The following SHROOM2 variants were observed in gnomAD, a reference collection of about 807,000 sequenced individuals.
SHROOM2 encodes the protein protein Shroom2.
A neutral mutation model predicts 75.9 loss-of-function variants in SHROOM2; 33 were observed. The ratio of observed to expected loss-of-function variants is 0.43; its 90% CI spans 0.33 to 0.58. The LOEUF (loss-of-function observed/expected upper bound fraction) is 0.58, where lower values mean the gene tolerates loss of function less well. Among genes scored for constraint, SHROOM2 ranks in the 20% least tolerant of loss-of-function variants. The pLI, the probability that SHROOM2 is intolerant of heterozygous loss-of-function variation, is 0.04. For missense variants in SHROOM2, 1,434 were observed against 1,461.2 expected (o/e 0.98, Z 0.30); for synonymous variants, 655 against 663.6 (o/e 0.99, Z 0.20).
At chrX:9,905,014 A>G (rs1348778968) in intron 5 of SHROOM2, among the ~76,000 whole-genome samples, 1 of 112,204 alleles carries the variant, frequency 8.9e-6, no homozygotes, top group African/African-American at 3.2e-5. Context: ...CACCTAGCTA[A>G]TTAAAAAAAC....
rs774991614 is a variant in SHROOM2, at chrX:9,848,510, CA to C, written c.166-25121del. Among the ~76,000 whole-genome samples the C allele has an allele frequency of 3.6e-3, 79 of 22,023 alleles. 1 individual carries two copies. The highest frequency in any genetic ancestry group is 9.2e-3 in the African/African-American group (60 of 6,540). 19.1% of individuals were successfully genotyped at this position (22,023 alleles called of 115,157 possible). A position where few individuals can be genotyped will look rare whatever the true frequency, so the allele number is the denominator to read the frequency against. Reference sequence around the variant, plus strand: ...TGGGCGACAGAGCGAGACTCCGTCTCAAAAAAAAAAAAAAAAAAAAAGAAAA... The same window carrying C: ...TGGGCGACAGAGCGAGACTCCGTCTCAAAAAAAAAAAAAAAAAAAAGAAAA... On this transcript the variant is annotated intron_variant, in intron 1 of 9. Transcript: ENST00000380913.
intron 1 of SHROOM2, among the ~76,000 whole-genome samples, chrX:9,814,036 C>G (rs755153687): frequency 8.9e-6 from 1 of 111,961 alleles, no homozygotes; most frequent in South Asian, 3.8e-4. Context: ...GTGCTGCCCT[C>G]ACGAATCTAT....
At chrX:9,799,157 C>CTTTTTTTTTTTTT (rs58508176) in intron 1 of SHROOM2, among the ~76,000 whole-genome samples, 3 of 61,378 alleles carry the variant, frequency 4.9e-5, no homozygotes, top group African/African-American at 2.6e-4. Flanking sequence ...GAGTTTAATT[C>CTTTTTTTTTTTTT]TTTTTTTTTT....
intron 5 of SHROOM2, chrX:9,913,152 C>G (rs1302690037): frequency 1.8e-5 from 2 of 112,130 alleles, no homozygotes; most frequent in Non-Finnish European, 3.8e-5. Flanking sequence ...CCTCGTTTGC[C>G]TTTTGTTTTT....
chrX:9,836,711 G>A (rs760364406), intron 1 of SHROOM2, among the ~76,000 whole-genome samples: 14 of 111,101 alleles, frequency 1.3e-4, no homozygotes, highest in Admixed American at 1.1e-3. Context: ...ACAGGCGTGA[G>A]CCACTGTTGC....
chrX:9,810,102 T>A (rs1729319595), intron 1 of SHROOM2, among the ~76,000 whole-genome samples: 1 of 112,706 alleles, frequency 8.9e-6, no homozygotes, highest in Non-Finnish European at 1.9e-5. Context: ...GAAATACTCA[T>A]GACAATTGCA....
intron 2 of SHROOM2, among the ~76,000 whole-genome samples, chrX:9,888,509 A>C (rs936223781): frequency 3.6e-5 from 4 of 111,368 alleles, no homozygotes; most frequent in Non-Finnish European, 7.5e-5. Flanking sequence ...AGTAGCGCAA[A>C]CACGGCTCAC....
intron 5 of SHROOM2, chrX:9,913,096 G>A (rs927359004): frequency 2.7e-5 from 3 of 112,481 alleles, no homozygotes; most frequent in African/African-American, 9.7e-5. Flanking sequence ...TGGGTTCCCC[G>A]AGGGAGCTGG....
chrX:9,845,165 TG>T (rs1197784865), intron 1 of SHROOM2, among the ~76,000 whole-genome samples: 2 of 112,252 alleles, frequency 1.8e-5, no homozygotes, highest in African/African-American at 6.5e-5. Flanking sequence ...ACCAAGCAGG[TG>T]GCAGGCCAGG....
intron 5 of SHROOM2, among the ~76,000 whole-genome samples, chrX:9,907,099 G>A (rs1386519259): frequency 2.7e-5 from 3 of 111,227 alleles, no homozygotes; most frequent in Non-Finnish European, 3.8e-5. Flanking sequence ...AGCCACAGGG[G>A]CCTTTCGCTT....
intron 1 of SHROOM2, among the ~76,000 whole-genome samples, chrX:9,802,943 A>T (rs1244028780): frequency 4.9e-5 from 4 of 81,822 alleles, no homozygotes; most frequent in African/African-American, 3.1e-4. Context: ...TTTTTTTTTT[A>T]AATGAAACAG....
At chrX:9,838,191 G>C (rs2083958850) in intron 1 of SHROOM2, among the ~76,000 whole-genome samples, 1 of 107,515 alleles carries the variant, frequency 9.3e-6, no homozygotes, top group South Asian at 4.2e-4. Context: ...CTCCCGAGTT[G>C]CTGGGACTAC....
chrX:9,806,152 A>G, intron 1 of SHROOM2, among the ~76,000 whole-genome samples: 1 of 110,159 alleles, frequency 9.1e-6, no homozygotes, highest in East Asian at 2.9e-4. Flanking sequence ...TGAGCCTCCT[A>G]GCCTGTGGTG....
chrX:9,927,986 G>A lies in SHROOM2; in HGVS notation c.2892-4189G>A, dbSNP rs147181571. On this transcript the variant is annotated intron_variant, in intron 5 of 9. Transcript: ENST00000380913. ...AGCAAAAATAGAGTAATGCCAGCAG[G>A]ATCTCTAGAGTGTTTGTTTTTTTCC... 7.5e-3 allele frequency among the ~76,000 whole-genome samples: 846 copies of A among 112,078 alleles called. 8 individuals carry two copies. Among genetic ancestry groups the A allele is most frequent in the African/African-American group, 0.026 (799 of 30,838 alleles).
chrX:9,855,299 A>T (rs2084062789), intron 1 of SHROOM2, among the ~76,000 whole-genome samples: 3 of 102,381 alleles, frequency 2.9e-5, no homozygotes, highest in Admixed American at 1.1e-4. Context: ...GTATAGTAAA[A>T]AAAAAAAAAA....
intron 5 of SHROOM2, among the ~76,000 whole-genome samples, chrX:9,914,900 C>G (rs111638826): frequency 0.025 from 2,798 of 111,460 alleles, 111 homozygotes; most frequent in African/African-American, 0.086. Flanking sequence ...CCAAGAATTC[C>G]TAGTTATTCT....
rs747317559 is a variant in SHROOM2 at position 9,946,751 on chromosome X, C to T, written c.4665C>T (p.Arg1555=). ...AKELKENLDR[R]ERIVFDILAN... is the part of the protein sequence containing the mutation. ...AGCTCAAGGAGAACCTGGACCGCCGCGAGCGCATCGTCTTTGACATTTTGG... is the reference window on the plus strand; with the variant it reads ...AGCTCAAGGAGAACCTGGACCGCCGTGAGCGCATCGTCTTTGACATTTTGG... Residue 1555 remains arginine, a synonymous_variant, in exon 10 of 10, where the codon CGC becomes CGT. Coordinates refer to ENST00000380913, the MANE Select transcript of SHROOM2 (RefSeq NM_001649.4). 3.1e-5 allele frequency: 37 copies of T among 1,203,083 alleles called. No homozygotes were observed. The East Asian group carries it at 8.1e-4, about 26-fold the overall frequency.
intron 1 of SHROOM2, among the ~76,000 whole-genome samples, chrX:9,858,059 T>G (rs1046288144): frequency 1.8e-5 from 2 of 111,867 alleles, no homozygotes; most frequent in Admixed American, 1.9e-4. Flanking sequence ...TAGGCTCTGC[T>G]GCCTAGGCTG....
At chrX:9,933,928 C>T (rs2147055946) in intron 6 of SHROOM2, among the ~76,000 whole-genome samples, 1 of 111,943 alleles carries the variant, frequency 8.9e-6, no homozygotes, top group South Asian at 3.7e-4. Flanking sequence ...ATTTTGGCCC[C>T]CAGGGGACAT....
Sources: allele counts gnomAD v4.1 joint callset (sites outside exome capture counted in the v4.1 genomes callset), GRCh38; gene constraint gnomAD v4.1.1; transcripts MANE v1.5; gene names NCBI Gene and HGNC (gene_info 2026-07-23, HGNC 2026-07-21).